Variants in SPTAN1 observed in about 807,000 individuals in gnomAD.
SPTAN1 encodes spectrin alpha, non-erythrocytic 1.
Under a neutral mutation model 331.3 loss-of-function variants are expected in SPTAN1, and 61 were observed. That is an observed-to-expected ratio of 0.18 (90% CI 0.15 to 0.23). The LOEUF is 0.23. SPTAN1 is among the 10% of genes least tolerant of loss of function. The pLI, the probability that SPTAN1 is intolerant of heterozygous loss-of-function variation, is 1.00. For missense variants in SPTAN1, 2,043 were observed against 3,147.9 expected, an observed-to-expected ratio of 0.65 and a Z score of 8.40; for synonymous variants, 1,153 against 1,173.9, an observed-to-expected ratio of 0.98 and a Z score of 0.36.
intron 44 of SPTAN1, among the ~76,000 whole-genome samples, chr9:128,620,786 A>T (rs960493688): frequency 1.2e-4 from 18 of 152,134 alleles, no homozygotes; most frequent in Non-Finnish European, 4.4e-5. Flanking sequence ...AACCTTAAAA[A>T]TGTGTCGTTT....
At position 128,627,482 on chromosome 9, in the gene SPTAN1, T is replaced by A; in HGVS notation, c.6673T>A (p.Trp2225Arg). 1 of 1,551,170 alleles carries A rather than the reference T, an allele frequency of 6.4e-7. No individual in the cohort carries two copies. The highest frequency in any genetic ancestry group is 1.4e-5 in the African/African-American group (1 of 73,170). The part of the protein sequence containing the change: ...FAQHANAFHQ[W>R]IQETRTYLLD... ...CCAGCACGCCAACGCCTTCCACCAG[T>A]GGATCCAAGAGACCAGGTGCCAGCC... Residue 2225 changes from tryptophan to arginine, a missense_variant, in exon 50 of 57, where the codon TGG becomes AGG. Physicochemically the swap from Trp to Arg is moderately radical, Grantham distance 101. Around this residue, in one of 12 missense-constraint regions of SPTAN1, gnomAD observed 256 missense variants for 376.4 expected, o/e 0.68. Coordinates refer to ENST00000372739, the MANE Select transcript of SPTAN1 (RefSeq NM_001130438.3). This position sits in a 1 kb window ranked among gnomAD's most constrained non-coding sequence, Gnocchi z 4.9.
intron 46 of SPTAN1, 198 bp from the exon 47 acceptor site, chr9:128,624,905 C>T (rs1654291217): frequency 2.2e-5 from 14 of 647,656 alleles, no homozygotes; most frequent in Non-Finnish European, 3.3e-5. Flanking sequence ...AGACGGGCTG[C>T]AGGGAGCTCG....
chr9:128,556,233 TAAA>T (rs1848627239), intron 1 of SPTAN1, among the ~76,000 whole-genome samples: 1 of 151,840 alleles, frequency 6.6e-6, no homozygotes, highest in African/African-American at 2.4e-5. Context: ...AAAAAAAAAT[TAAA>T]AAACAGCTCT....
chr9:128,628,496 G>T (rs1343625011), intron 51 of SPTAN1: 3 of 309,012 alleles, frequency 9.7e-6, no homozygotes, highest in Non-Finnish European at 1.9e-5. Context: ...AGGCAAAAAT[G>T]CACCCGTTAT....
At chr9:128,620,326 A>G (rs1372967808) in intron 44 of SPTAN1, among the ~76,000 whole-genome samples, 2 of 152,226 alleles carry the variant, frequency 1.3e-5, no homozygotes, top group African/African-American at 4.8e-5. Context: ...TGATTCAGGT[A>G]GAATTTAGAT....
intron 10 of SPTAN1, among the ~76,000 whole-genome samples, chr9:128,580,377 A>G (rs1019126409): frequency 4.0e-5 from 6 of 151,026 alleles, no homozygotes; most frequent in Admixed American, 6.6e-5. Context: ...TATGTATATA[A>G]GTTTTGAAGT....
At chr9:128,593,080 A>C (rs958021303) in intron 23 of SPTAN1, 38 bp downstream of exon 23, 1 of 1,582,754 alleles carries the variant, frequency 6.3e-7, no homozygotes, top group Non-Finnish European at 8.6e-7. Context: ...ACCAATGTCC[A>C]CTGCTACCCT....
intron 26 of SPTAN1, chr9:128,599,405 G>T: frequency 4.8e-6 from 1 of 209,368 alleles, no homozygotes; most frequent in Non-Finnish European, 9.7e-6. Context: ...AGAGTGCTGG[G>T]ATTACAGACG....
rs756006714 is a variant in SPTAN1, at chr9:128,617,674, G to A, written c.5392G>A (p.Gly1798Ser). 5 of 1,614,014 alleles carry A rather than the reference G, an allele frequency of 3.1e-6. No homozygotes were observed. Among genetic ancestry groups the A allele is most frequent in the Middle Eastern group, 1.6e-4 (1 of 6,084 alleles). Residue 1798 changes from glycine to serine, a missense_variant, in exon 42 of 57, where the codon GGC becomes AGC. Transcript: ENST00000372739. Reference sequence around the variant, plus strand: ...GCTGCTGGTGGGCTCAGAGGACTACGGCCGGGACCTAACCGGCGTGCAGAA... The same window carrying A: ...GCTGCTGGTGGGCTCAGAGGACTACAGCCGGGACCTAACCGGCGTGCAGAA... The part of the protein sequence containing the change: ...KKLLVGSEDY[G>S]RDLTGVQNLR...
At chr9:128,563,586 C>A (rs1042794315) in intron 1 of SPTAN1, among the ~76,000 whole-genome samples, 4 of 152,144 alleles carry the variant, frequency 2.6e-5, no homozygotes, top group African/African-American at 9.7e-5. Context: ...GGATAGAATT[C>A]CAATTTTACA....
chr9:128,633,582 G>GCTC lies in SPTAN1; in HGVS notation c.*253_*255dup. 3 of 1,081,544 alleles carry GCTC rather than the reference G, an allele frequency of 2.8e-6. No homozygotes were observed. The highest frequency in any genetic ancestry group is 4.0e-6 in the Non-Finnish European group (3 of 743,200). 67.0% of individuals were successfully genotyped at this position (1,081,544 alleles called of 1,614,324 possible). ...CGACTTCAGAAAATCGAAGCAGCTGGCTCCTCCCCTTGTTCTCTCTCCCAC... is the reference window on the plus strand; with the variant it reads ...CGACTTCAGAAAATCGAAGCAGCTGGCTCCTCCTCCCCTTGTTCTCTCTCCCAC... On this transcript the variant is annotated 3_prime_UTR_variant, in exon 57 of 57. Transcript: ENST00000372739.
At chr9:128,562,990 G>GTATATA (rs1379685400) in intron 1 of SPTAN1, among the ~76,000 whole-genome samples, 32 of 1,788 alleles carry the variant, frequency 0.018, no homozygotes, top group African/African-American at 0.023. Context: ...ATACATGTAT[G>GTATATA]TGTATATATA....
chr9:128,627,722 T>C lies in SPTAN1; in HGVS notation c.6690-203T>C. On this transcript the variant is annotated intron_variant, in intron 50 of 56. Coordinates refer to ENST00000372739, the MANE Select transcript of SPTAN1 (RefSeq NM_001130438.3). The surrounding 1 kb of genome is among the most constrained non-coding windows in gnomAD (Gnocchi z 4.9). ...GTCCCAGACATCAAGTTGTTAGAGA[T>C]CCCGGATTGAGTGGGACCATGCAGG... 1 of 799,682 alleles carries C rather than the reference T, an allele frequency of 1.3e-6. No homozygotes were observed. The highest frequency in any genetic ancestry group is 1.5e-5 in the South Asian group (1 of 67,720). 49.5% of individuals were successfully genotyped at this position (799,682 alleles called of 1,614,324 possible).
intron 24 of SPTAN1, among the ~76,000 whole-genome samples, chr9:128,597,620 T>C (rs779671606): frequency 6.6e-6 from 1 of 152,188 alleles, no homozygotes; most frequent in Non-Finnish European, 1.5e-5. Flanking sequence ...GTTGAACAGA[T>C]CCTTATAGCT....
At chr9:128,628,172 C>A in intron 51 of SPTAN1, 1 of 703,320 alleles carries the variant, frequency 1.4e-6, no homozygotes, top group Non-Finnish European at 2.6e-6. Context: ...GTCCTTGCCT[C>A]ACTGGGCGAT....
intron 5 of SPTAN1, among the ~76,000 whole-genome samples, chr9:128,575,552 A>G (rs1851203791): frequency 6.6e-6 from 1 of 152,188 alleles, no homozygotes; most frequent in Non-Finnish European, 1.5e-5. Flanking sequence ...TTGGGCAGGA[A>G]GGGCAGAGTT....
At position 128,617,622 on chromosome 9, in the gene SPTAN1, T is replaced by A. The variant is rs754212051; in HGVS notation, c.5358-18T>A. On this transcript the variant is annotated intron_variant, in intron 41 of 56. Transcript: ENST00000372739. ...GAGGTGCAGAGACTGACTGTGCTGT[T>A]TCCCATCTCTCATTCAGGGAGAAGA... 5 of 1,614,104 alleles carry A rather than the reference T, an allele frequency of 3.1e-6. No homozygotes were observed. In the Admixed American group the frequency reaches 8.3e-5, roughly 27 times the overall value.
chr9:128,569,466 T>C (rs183149137), intron 3 of SPTAN1, among the ~76,000 whole-genome samples: 119 of 151,760 alleles, frequency 7.8e-4, no homozygotes, highest in African/African-American at 2.8e-3. Flanking sequence ...AGTGCGAGTT[T>C]ATTGGAGCTG....
At chr9:128,571,981 C>T (rs1850778297) in intron 3 of SPTAN1, among the ~76,000 whole-genome samples, 1 of 152,200 alleles carries the variant, frequency 6.6e-6, no homozygotes, top group Non-Finnish European at 1.5e-5. Context: ...CTCAGCCTCC[C>T]GAGTAGCCGG....
Sources: gnomAD v4.1 joint callset for allele counts (sites outside exome capture counted in the v4.1 genomes callset) on GRCh38, gnomAD v4.1.1 for gene constraint, gnomAD v4.1.1 regional missense constraint, Gnocchi (gnomAD v3.1) non-coding constraint, MANE v1.5 for transcripts, NCBI Gene and HGNC (gene_info 2026-07-23, HGNC 2026-07-21) for gene names.